The following RARRES1 variants were observed in gnomAD, a reference collection of about 807,000 sequenced individuals.
The protein encoded by RARRES1 is retinoic acid receptor responder protein 1.
In RARRES1, 34 loss-of-function variants were observed where a neutral mutation model predicts 30.6. The ratio of observed to expected loss-of-function variants is 1.11; its 90% CI spans 0.84 to 1.48. The LOEUF is 1.48. RARRES1 is among the 40% of genes most tolerant of loss of function. RARRES1 has a pLI of 0.00. For synonymous variants in RARRES1, 153 were observed against 155.5 expected, an observed-to-expected ratio of 0.98 and a Z score of 0.12; for missense variants, 373 against 386.5, an observed-to-expected ratio of 0.97 and a Z score of 0.29.
At chr3:158,720,973 C>A (rs1280674793) in intron 1 of RARRES1, among the ~76,000 whole-genome samples, 2 of 152,154 alleles carry the variant, frequency 1.3e-5, no homozygotes, top group Non-Finnish European at 2.9e-5. Context: ...TTTTAGAAGA[C>A]ACACCTCAAC....
intron 1 of RARRES1, among the ~76,000 whole-genome samples, chr3:158,715,105 A>G (rs1038314533): frequency 2.6e-5 from 4 of 152,222 alleles, no homozygotes; most frequent in African/African-American, 4.8e-5. Flanking sequence ...TCAGTCTTCA[A>G]ACGAGTTCTG....
chr3:158,718,357 C>T (rs1221501128), intron 1 of RARRES1, among the ~76,000 whole-genome samples: 2 of 152,166 alleles, frequency 1.3e-5, no homozygotes, highest in East Asian at 1.9e-4. Context: ...AATAATTGGG[C>T]CAATTGCCTG....
At chr3:158,716,796 C>A (rs1266409393) in intron 1 of RARRES1, among the ~76,000 whole-genome samples, 1 of 152,162 alleles carries the variant, frequency 6.6e-6, no homozygotes, top group Non-Finnish European at 1.5e-5. Flanking sequence ...GTTGCCCAGG[C>A]TGGTTTCGAA....
chr3:158,707,178 AAC>A (rs1726951574), intron 3 of RARRES1, among the ~76,000 whole-genome samples: 2 of 151,990 alleles, frequency 1.3e-5, no homozygotes, highest in South Asian at 4.2e-4. Flanking sequence ...CAAACAAACA[AAC>A]AAAAAAACTA....
Position 158,732,291 on chromosome 3 carries a change from T to C in RARRES1, c.125A>G (p.Asp42Gly), listed in dbSNP as rs7621322. The part of the protein sequence containing the change: ...APVAAPAGSG[D>G]PDDPGQPQDA... ...CTGAGGCTGCCCAGGGTCGTCGGGG[T>C]CCCCGGACCCCGCGGGCGCCGCCAC... Residue 42 changes from aspartate to glycine, a missense_variant, in exon 1 of 6, where the codon GAC becomes GGC. Asp to Gly is a moderately conservative substitution (Grantham distance 94, BLOSUM62 -1). Transcript: ENST00000237696. 253,067 of 1,343,756 alleles carry C rather than the reference T, an allele frequency of 0.19. 26,438 individuals carry two copies. The highest frequency in any genetic ancestry group is 0.4 in the African/African-American group (25,948 of 64,716). 83.2% of individuals were successfully genotyped at this position (1,343,756 alleles called of 1,614,324 possible).
At chr3:158,710,460 G>C (rs960785063) in intron 3 of RARRES1, among the ~76,000 whole-genome samples, 1 of 152,036 alleles carries the variant, frequency 6.6e-6, no homozygotes, top group South Asian at 2.1e-4. Context: ...TGCCCACCTC[G>C]GCCTCCCAAA....
At position 158,710,819 on chromosome 3, in the gene RARRES1, T is replaced by G. The variant is rs1374699235; in HGVS notation, c.454A>C (p.Lys152Gln). ...NVTCTRLIEK[K>Q]KRQQEDYLLY... ...AGGTAATCCTCTTGTTGTCTTTTCT[T>G]TTTCTCGATGAGCCGTGTACAAGTT... Residue 152 changes from lysine (K) to glutamine (Q), a missense_variant, in exon 3 of 6, where the codon AAG (lysine) becomes CAG (glutamine). By Grantham distance (53) the Lys-to-Gln change is moderately conservative (BLOSUM62 1). Coordinates refer to ENST00000237696, the MANE Select transcript of RARRES1 (RefSeq NM_206963.2). The G allele has an allele frequency of 2.5e-6, 4 of 1,613,840 alleles. No homozygotes were observed. Among genetic ancestry groups the G allele is most frequent in the Non-Finnish European group, 3.4e-6 (4 of 1,179,816 alleles).
chr3:158,726,282 G>A (rs1439863566), intron 1 of RARRES1, among the ~76,000 whole-genome samples: 1 of 152,198 alleles, frequency 6.6e-6, no homozygotes, highest in African/African-American at 2.4e-5. Flanking sequence ...CTCAAGAGCA[G>A]TAATTAAATT....
chr3:158,703,888 C>T (rs1203287775), intron 4 of RARRES1, among the ~76,000 whole-genome samples: 1 of 152,162 alleles, frequency 6.6e-6, no homozygotes, highest in Non-Finnish European at 1.5e-5. Flanking sequence ...CGAGACCTCT[C>T]CCCTGAACTT....
intron 4 of RARRES1, among the ~76,000 whole-genome samples, chr3:158,699,483 G>C (rs867759769): frequency 1.3e-5 from 2 of 150,478 alleles, no homozygotes; most frequent in South Asian, 4.2e-4. Flanking sequence ...TACATTGATG[G>C]AGATTTTTAC....
chr3:158,697,615 G>C lies in RARRES1; in HGVS notation c.*63C>G, dbSNP rs1726588758. 1 of 1,021,334 alleles carries C rather than the reference G, an allele frequency of 9.8e-7. No homozygotes were observed. The highest frequency in any genetic ancestry group is 1.8e-5 in the African/African-American group (1 of 55,774). 63.3% of individuals were successfully genotyped at this position (1,021,334 alleles called of 1,614,324 possible). The stretch of plus-strand genomic sequence containing the variant: ...TGTCTATACCTTAGCTGTTTTACTA[G>C]AAGAATGATTTATGCTAGTATAGTC... On this transcript the variant is annotated 3_prime_UTR_variant, in exon 6 of 6. Coordinates refer to ENST00000237696, the MANE Select transcript of RARRES1 (RefSeq NM_206963.2).
chr3:158,706,202 T>C (rs1182151793), intron 3 of RARRES1, among the ~76,000 whole-genome samples: 5 of 152,324 alleles, frequency 3.3e-5, no homozygotes, highest in Admixed American at 2.6e-4. Flanking sequence ...GATACCAAGA[T>C]GGGTCCCCAC....
chr3:158,704,062 A>G (rs1726823852), intron 4 of RARRES1, among the ~76,000 whole-genome samples: 1 of 151,972 alleles, frequency 6.6e-6, no homozygotes, highest in African/African-American at 2.4e-5. Context: ...AAATCCTAAA[A>G]ATCATCCTTA....
At chr3:158,713,046 G>A (rs1193368605) in intron 2 of RARRES1, among the ~76,000 whole-genome samples, 1 of 152,158 alleles carries the variant, frequency 6.6e-6, no homozygotes, top group East Asian at 1.9e-4. Context: ...CCAGAAGCAT[G>A]GGGTTGGGGG....
chr3:158,709,928 C>T (rs1727053807), intron 3 of RARRES1, among the ~76,000 whole-genome samples: 1 of 152,206 alleles, frequency 6.6e-6, no homozygotes, highest in Admixed American at 6.5e-5. Flanking sequence ...GCCCATTAAC[C>T]ACTGACTTGA....
chr3:158,706,336 G>T (rs1726922542), intron 3 of RARRES1, among the ~76,000 whole-genome samples: 1 of 152,154 alleles, frequency 6.6e-6, no homozygotes. Context: ...GAGGGTTAGG[G>T]GAAACTTCAC....
chr3:158,722,459 T>A (rs917058027), intron 1 of RARRES1, among the ~76,000 whole-genome samples: 2 of 152,226 alleles, frequency 1.3e-5, no homozygotes, highest in Non-Finnish European at 2.9e-5. Flanking sequence ...TTAAAATATT[T>A]AAATATTTTC....
At chr3:158,698,013 T>C in intron 4 of RARRES1, 43 bp from the exon 5 acceptor site, 7 of 1,330,000 alleles carry the variant, frequency 5.3e-6, no homozygotes, top group Non-Finnish European at 6.4e-6. Context: ...TATGGTGGTA[T>C]TTAGTGTAAT....
chr3:158,719,556 G>A (rs976043645), intron 1 of RARRES1, among the ~76,000 whole-genome samples: 1 of 152,172 alleles, frequency 6.6e-6, no homozygotes, highest in African/African-American at 2.4e-5. Flanking sequence ...ACAGGCTTGA[G>A]CCACTGCACC....
Sources: gnomAD v4.1 joint callset for allele counts (sites outside exome capture counted in the v4.1 genomes callset) on GRCh38, gnomAD v4.1.1 for gene constraint, MANE v1.5 for transcripts, NCBI Gene and HGNC (gene_info 2026-07-23, HGNC 2026-07-21) for gene names.